Variants in SMG1 observed in about 807,000 individuals in gnomAD.
SMG1 encodes serine/threonine-protein kinase SMG1.
SMG1 carries 22 observed loss-of-function variants against 419.9 expected under a neutral mutation model. The ratio of observed to expected loss-of-function variants is 0.05; its 90% CI spans 0.04 to 0.07. SMG1 has a LOEUF of 0.07. Ranked by LOEUF, SMG1 falls within the 10% of genes least tolerant of loss-of-function variation. The pLI, the probability that SMG1 is intolerant of heterozygous loss-of-function variation, is 1.00. For missense variants in SMG1, 3,185 were observed against 4,342.0 expected, an observed-to-expected ratio of 0.73 and a Z score of 7.49; for synonymous variants, 1,538 against 1,553.5, an observed-to-expected ratio of 0.99 and a Z score of 0.23.
At position 18,888,820 on chromosome 16, in the gene SMG1, C is replaced by CTTT. The variant is rs71141087; in HGVS notation, c.822+549_822+551dup. Among the ~76,000 whole-genome samples, 93 of 112,000 alleles carry CTTT rather than the reference C, an allele frequency of 8.3e-4. 4 individuals are homozygous for CTTT. Among genetic ancestry groups the CTTT allele is most frequent in the African/African-American group, 2.4e-3 (69 of 29,138 alleles). 73.5% of individuals were successfully genotyped at this position (112,000 alleles called of 152,430 possible). A position where few individuals can be genotyped will look rare whatever the true frequency, so the allele number is the denominator to read the frequency against. On this transcript the variant is annotated intron_variant, in intron 6 of 62. Coordinates refer to ENST00000446231, the MANE Select transcript of SMG1 (RefSeq NM_015092.5). The stretch of plus-strand genomic sequence containing the variant: ...TTTCAAATCTAACTTCAACATGTAT[C>CTTT]TTTTTTTTTTTTTTTTTTTTGAGAC...
At chr16:18,837,468 AAGACTCTTACAGG>A (rs2033648194) in intron 45 of SMG1, 25 bp from the exon 46 acceptor site, 6 of 1,597,874 alleles carry the variant, frequency 3.8e-6, no homozygotes, top group Middle Eastern at 1.7e-4. Context: ...TACGATTAAG[AAGACTCTTACAGG>A]GCCAATTTTG....
Position 18,816,547 on chromosome 16 carries a change from T to C in SMG1, c.10075-18A>G. On this transcript the variant is annotated intron_variant, in intron 57 of 62. Coordinates refer to ENST00000446231, the MANE Select transcript of SMG1 (RefSeq NM_015092.5). ...CCAGTGTCCTAAATAGAACAAGCATTTGTTTGACTTCGAGTATCAGCTGAA... is the reference window on the plus strand; with the variant it reads ...CCAGTGTCCTAAATAGAACAAGCATCTGTTTGACTTCGAGTATCAGCTGAA... The C allele has an allele frequency of 6.2e-7, 1 of 1,600,688 alleles. No homozygotes were observed. The highest frequency in any genetic ancestry group is 8.5e-7 in the Non-Finnish European group (1 of 1,170,584).
Position 18,816,287 on chromosome 16 carries a change from T to A in SMG1, c.10302+15A>T. Reference sequence around the variant, plus strand: ...CAGAGGGAGAGTAAATGTGTGTTCATGGTATTAGTCTTACCTTAGCCATAG... The same window carrying A: ...CAGAGGGAGAGTAAATGTGTGTTCAAGGTATTAGTCTTACCTTAGCCATAG... On this transcript the variant is annotated intron_variant, in intron 58 of 62. Transcript: ENST00000446231. The A allele has an allele frequency of 6.3e-7, 1 of 1,592,530 alleles. No homozygotes were observed. Among genetic ancestry groups the A allele is most frequent in the Non-Finnish European group, 8.6e-7 (1 of 1,163,236 alleles).
At chr16:18,917,739 G>A (rs1273515012) in intron 1 of SMG1, among the ~76,000 whole-genome samples, 6 of 150,664 alleles carry the variant, frequency 4.0e-5, no homozygotes, top group Non-Finnish European at 8.9e-5. Context: ...CACCACACTC[G>A]ACTAATTTTG....
intron 31 of SMG1, among the ~76,000 whole-genome samples, chr16:18,852,670 C>T (rs1320876094): frequency 1.3e-5 from 2 of 152,180 alleles, no homozygotes; most frequent in Non-Finnish European, 2.9e-5. Flanking sequence ...TCATTAGCTT[C>T]CCAAGTAAGA....
chr16:18,917,264 T>C (rs1189392603), intron 1 of SMG1, among the ~76,000 whole-genome samples: 2 of 152,076 alleles, frequency 1.3e-5, no homozygotes, highest in Non-Finnish European at 1.5e-5. Context: ...GTGATTCTCC[T>C]GCCTCAGCCT....
chr16:18,848,941 C>T (rs1010444269), intron 36 of SMG1, among the ~76,000 whole-genome samples: 7 of 151,538 alleles, frequency 4.6e-5, no homozygotes, highest in Non-Finnish European at 1.0e-4. Context: ...CGTGGTGGCA[C>T]GCACATGTAA....
intron 6 of SMG1, among the ~76,000 whole-genome samples, chr16:18,887,928 G>A (rs1288870600): frequency 6.6e-6 from 1 of 151,424 alleles, no homozygotes; most frequent in Non-Finnish European, 1.5e-5. Flanking sequence ...TACTTTGGGA[G>A]GCCGAGGCAG....
rs1428855504 is a variant in SMG1, at chr16:18,868,287, G to C, written c.3098C>G (p.Ser1033Cys). The stretch of plus-strand genomic sequence containing the variant: ...TGCCAACAATCCTACCCTCATGATG[G>C]AGAGTCGAATCCGCGTTAGCCAGTC... ...CQDWLTRIRL[S>C]IMRVGLLAGQ... is the part of the protein sequence containing the mutation. Residue 1033 changes from serine to cysteine, a missense_variant, in exon 22 of 63, where the codon TCC (serine) becomes TGC (cysteine). Transcript: ENST00000446231. The C allele has an allele frequency of 4.0e-6, 6 of 1,499,804 alleles. No homozygotes were observed. In the African/African-American group the frequency reaches 5.5e-5, roughly 14 times the overall value. 92.9% of individuals were successfully genotyped at this position (1,499,804 alleles called of 1,614,324 possible). A position where few individuals can be genotyped will look rare whatever the true frequency, so the allele number is the denominator to read the frequency against.
intron 10 of SMG1, among the ~76,000 whole-genome samples, chr16:18,880,931 G>A (rs183253506): frequency 1.1e-4 from 17 of 148,880 alleles, no homozygotes; most frequent in Non-Finnish European, 2.4e-4. Flanking sequence ...GATAGAGACT[G>A]CACTGAGTCG....
At chr16:18,813,241 C>T (rs1156570905) in intron 60 of SMG1, among the ~76,000 whole-genome samples, 1 of 152,192 alleles carries the variant, frequency 6.6e-6, no homozygotes. Flanking sequence ...TGAGGAATCA[C>T]CACACTGACT....
At chr16:18,849,496 A>G (rs1179010771) in intron 35 of SMG1, 118 bp from the exon 36 acceptor site, 14 of 979,762 alleles carry the variant, frequency 1.4e-5, no homozygotes, top group Non-Finnish European at 1.9e-5. Context: ...ACGGATTTTA[A>G]GAGTTCAAAT....
intron 54 of SMG1, among the ~76,000 whole-genome samples, chr16:18,828,605 C>T (rs150469719): frequency 7.7e-4 from 118 of 152,274 alleles, no homozygotes; most frequent in Middle Eastern, 6.8e-3. Context: ...AGATTTATTC[C>T]CAAAGCTGTT....
chr16:18,828,201 G>T (rs190538125), intron 54 of SMG1, 33 bp from the exon 55 acceptor site: 5 of 1,602,330 alleles, frequency 3.1e-6, no homozygotes, highest in Non-Finnish European at 4.3e-6. Context: ...ATTAAAATCA[G>T]CAGGAAAAAA....
chr16:18,925,729 G>A (rs1363061274), intron 1 of SMG1: 1 of 287,808 alleles, frequency 3.5e-6, no homozygotes, highest in Non-Finnish European at 6.4e-6. Context: ...CCCGGGTCTC[G>A]GCTCCAGCCC....
intron 30 of SMG1, 83 bp downstream of exon 30, chr16:18,854,573 A>AC: frequency 1.5e-6 from 2 of 1,316,362 alleles, no homozygotes; most frequent in Non-Finnish European, 2.1e-6. Flanking sequence ...TGCTATTACT[A>AC]CCTTATACCA....
Position 18,839,780 on chromosome 16 carries a change from A to G in SMG1, c.6863T>C (p.Met2288Thr), listed in dbSNP as rs753934978. 22 of 1,613,840 alleles carry G rather than the reference A, an allele frequency of 1.4e-5. No homozygotes were observed. The highest frequency in any genetic ancestry group is 1.4e-5 in the Non-Finnish European group (17 of 1,179,900). Residue 2288 changes from methionine to threonine, a missense_variant, in exon 42 of 63, where the codon ATG (methionine) becomes ACG (threonine). Physicochemically the swap from Met to Thr is moderately conservative, Grantham distance 81 (BLOSUM62 -1). Coordinates refer to ENST00000446231, the MANE Select transcript of SMG1 (RefSeq NM_015092.5). ...HVMKAVLEEL[M>T]EATPPNLLAK... ...AAGGAGATTCGGGGGTGTGGCCTCC[A>G]TTAACTCTTCCAATACTGCCTTCAT...
intron 1 of SMG1, among the ~76,000 whole-genome samples, chr16:18,915,538 T>C (rs1382662477): frequency 8.5e-5 from 13 of 152,110 alleles, no homozygotes. Flanking sequence ...ATGCTATTTA[T>C]TGATGCACTT....
chr16:18,838,767 A>C, intron 42 of SMG1, 78 bp from the exon 43 acceptor site: 3 of 933,054 alleles, frequency 3.2e-6, no homozygotes, highest in Non-Finnish European at 4.9e-6. Flanking sequence ...ATACTATAAA[A>C]TTTACAAAGC....
Sources: allele counts gnomAD v4.1 joint callset (sites outside exome capture counted in the v4.1 genomes callset), GRCh38; gene constraint gnomAD v4.1.1; transcripts MANE v1.5; gene names NCBI Gene and HGNC (gene_info 2026-07-23, HGNC 2026-07-21).